NR2C2: variants seen among roughly 807,000 people sequenced by gnomAD.
NR2C2 encodes nuclear receptor subfamily 2 group C member 2.
A neutral mutation model predicts 62.9 loss-of-function variants in NR2C2; 6 were observed. The ratio of observed to expected loss-of-function variants is 0.10; its 90% confidence interval spans 0.05 to 0.19. The LOEUF (loss-of-function observed/expected upper bound fraction) is 0.19. Among genes scored for constraint, NR2C2 ranks in the 10% least tolerant of loss-of-function variants. The pLI, the probability that NR2C2 is intolerant of heterozygous loss-of-function variation, is 1.00. For missense variants in NR2C2, 479 were observed against 762.7 expected (o/e 0.63, Z 4.38); for synonymous variants, 272 against 273.8 (o/e 0.99, Z 0.07).
intron 1 of NR2C2, among the ~76,000 whole-genome samples, chr3:15,000,084 A>T (rs2040945835): frequency 6.6e-6 from 1 of 152,048 alleles, no homozygotes; most frequent in Admixed American, 6.6e-5. Context: ...TATTAACTGT[A>T]TTCGCCATGC....
chr3:15,047,694 C>T lies in NR2C2; in HGVS notation c.*4686C>T, dbSNP rs1023386028. 5 of 152,196 alleles carry T rather than the reference C, an allele frequency of 3.3e-5. No individual in the cohort carries two copies. The highest frequency in any genetic ancestry group is 7.3e-5 in the Non-Finnish European group (5 of 68,042). 9.4% of individuals were successfully genotyped at this position (152,196 alleles called of 1,614,324 possible). On this transcript the variant is annotated 3_prime_UTR_variant, in exon 14 of 14. Coordinates refer to ENST00000425241, the MANE Select transcript of NR2C2 (RefSeq NM_001291694.2). ...TAAATAGTAATTCCCATCTTTCTAT[C>T]GCCAGTTAAAAATAAACAACCTACC... is the stretch of plus-strand genomic sequence containing the variant.
chr3:14,949,187 G>A (rs574290725), intron 1 of NR2C2, among the ~76,000 whole-genome samples: 8 of 133,278 alleles, frequency 6.0e-5, no homozygotes, highest in African/African-American at 2.0e-4. Flanking sequence ...GGGGCTGGGG[G>A]GTGAATAGAC....
chr3:14,987,018 T>C (rs1002809340), intron 1 of NR2C2, among the ~76,000 whole-genome samples: 1 of 152,238 alleles, frequency 6.6e-6, no homozygotes, highest in African/African-American at 2.4e-5. Flanking sequence ...TAGACTTTTA[T>C]ACCTCATTTT....
At chr3:14,997,863 G>C (rs1436656346) in intron 1 of NR2C2, among the ~76,000 whole-genome samples, 1 of 152,024 alleles carries the variant, frequency 6.6e-6, no homozygotes, top group Middle Eastern at 3.2e-3. Flanking sequence ...ATTCACAAGA[G>C]TATGCAACCA....
chr3:15,016,285 T>A, intron 4 of NR2C2, 31 bp downstream of exon 4: 1 of 1,485,760 alleles, frequency 6.7e-7, no homozygotes, highest in Non-Finnish European at 9.4e-7. Flanking sequence ...CTGGCACTTA[T>A]AATGGGCCAA....
chr3:15,022,745 G>T (rs1248365504), intron 5 of NR2C2, among the ~76,000 whole-genome samples: 1 of 152,160 alleles, frequency 6.6e-6, no homozygotes. Flanking sequence ...GTAAAAACCA[G>T]CTGGGCACGG....
chr3:14,950,494 A>G (rs1201902221), intron 1 of NR2C2, among the ~76,000 whole-genome samples: 6 of 140,492 alleles, frequency 4.3e-5, no homozygotes, highest in Non-Finnish European at 9.1e-5. Context: ...GCCTACCTTC[A>G]ACTTCCTTGA....
rs1212026379 is a variant in NR2C2 at position 15,023,204 on chromosome 3, G to A, written c.561G>A (p.Val187=). 1 of 1,614,156 alleles carries A rather than the reference G, an allele frequency of 6.2e-7. No individual in the cohort carries two copies. The highest frequency in any genetic ancestry group is 8.5e-7 in the Non-Finnish European group (1 of 1,179,986). Residue 187 remains valine (V), a synonymous_variant, in exon 6 of 14, where the codon GTG becomes GTA. Coordinates refer to ENST00000425241, the MANE Select transcript of NR2C2 (RefSeq NM_001291694.2). ...ATATTTATGTTGTGATTTAAGCTGT[G>A]CAGAGTGAACGGAAGCCCTTCGATG... is the stretch of plus-strand genomic sequence containing the variant. The part of the protein sequence containing the change: ...CLEMGMKMES[V]QSERKPFDVQ...
intron 1 of NR2C2, among the ~76,000 whole-genome samples, chr3:14,992,121 A>G (rs1383602541): frequency 6.6e-6 from 1 of 152,090 alleles, no homozygotes; most frequent in African/African-American, 2.4e-5. Flanking sequence ...AAGTGATTCC[A>G]TGTAAACGTC....
At chr3:14,969,244 CTTTTTT>C (rs35048015) in intron 1 of NR2C2, among the ~76,000 whole-genome samples, 12 of 125,814 alleles carry the variant, frequency 9.5e-5, no homozygotes, top group South Asian at 2.5e-4. Flanking sequence ...AATAAAGATT[CTTTTTT>C]TTTTTTTTTT....
At chr3:14,995,865 T>C (rs922184276) in intron 1 of NR2C2, among the ~76,000 whole-genome samples, 5 of 152,326 alleles carry the variant, frequency 3.3e-5, no homozygotes, top group African/African-American at 1.2e-4. Context: ...TTTTTTATTG[T>C]AGCATCCCTA....
chr3:15,002,211 G>C (rs917756471), intron 1 of NR2C2, among the ~76,000 whole-genome samples: 4 of 151,864 alleles, frequency 2.6e-5, no homozygotes, highest in African/African-American at 4.9e-5. Context: ...ATAGCTGTGA[G>C]TATTTTATAG....
chr3:14,967,473 C>T (rs1338356034), intron 1 of NR2C2, among the ~76,000 whole-genome samples: 1 of 151,862 alleles, frequency 6.6e-6, no homozygotes, highest in Non-Finnish European at 1.5e-5. Flanking sequence ...TCATACGTTG[C>T]TGGTGGGAAT....
intron 1 of NR2C2, among the ~76,000 whole-genome samples, chr3:14,958,822 A>G (rs1224103982): frequency 1.3e-5 from 2 of 152,190 alleles, no homozygotes; most frequent in African/African-American, 4.8e-5. Context: ...CTAAAAATAC[A>G]AAAATTAGCT....
At chr3:15,040,366 C>T (rs1444272729) in intron 13 of NR2C2, among the ~76,000 whole-genome samples, 2 of 152,126 alleles carry the variant, frequency 1.3e-5, no homozygotes, top group Admixed American at 1.3e-4. Context: ...TCCTGTTTCC[C>T]TCCCCACCAT....
chr3:14,976,416 T>C (rs955220036), intron 1 of NR2C2, among the ~76,000 whole-genome samples: 1 of 152,058 alleles, frequency 6.6e-6, no homozygotes, highest in African/African-American at 2.4e-5. Context: ...CCAGATACTA[T>C]TTTCTATTCA....
chr3:15,029,698 T>C (rs2041914850), intron 8 of NR2C2, among the ~76,000 whole-genome samples: 1 of 152,098 alleles, frequency 6.6e-6, no homozygotes, highest in South Asian at 2.1e-4. Context: ...CTCACAGCTA[T>C]AATCCCAGCA....
In NR2C2 at chr3:14,977,836, G is replaced by A. The variant is rs531168744; in HGVS notation, c.-39-26040G>A. On this transcript the variant is annotated intron_variant, in intron 1 of 13. Transcript: ENST00000425241. ...AAATATTAGCTGGGCATGGTGGTGT[G>A]TGCCTGTAGTCCCAGCTACTCAGAA... 2.1e-4 allele frequency among the ~76,000 whole-genome samples: 32 copies of A among 151,860 alleles called. No individual in the cohort carries two copies. The East Asian group carries it at 6.0e-3, about 29-fold the overall frequency.
At chr3:14,986,189 C>A (rs1007546498) in intron 1 of NR2C2, among the ~76,000 whole-genome samples, 1 of 151,826 alleles carries the variant, frequency 6.6e-6, no homozygotes, top group Non-Finnish European at 1.5e-5. Context: ...AAATAACTTA[C>A]AAAAATCAAT....
Sources: gnomAD v4.1 joint callset for allele counts (sites outside exome capture counted in the v4.1 genomes callset) on GRCh38, gnomAD v4.1.1 for gene constraint, MANE v1.5 for transcripts, NCBI Gene and HGNC (gene_info 2026-07-23, HGNC 2026-07-21) for gene names.